Variants in TTC27 observed in about 807,000 individuals in gnomAD.
TTC27 encodes tetratricopeptide repeat domain 27, also known as tetratricopeptide repeat protein 27.
In TTC27, 79 loss-of-function variants were observed where a neutral mutation model predicts 115.9. The ratio of observed to expected loss-of-function variants is 0.68; its 90% confidence interval spans 0.57 to 0.82. The LOEUF (loss-of-function observed/expected upper bound fraction) is 0.82. Ranked by LOEUF, TTC27 falls within the 40% of genes least tolerant of loss-of-function variation. The pLI is 0.00. For synonymous variants in TTC27, 401 were observed against 356.0 expected (o/e 1.13, Z -1.42); for missense variants, 1,054 against 993.1 (o/e 1.06, Z -0.82).
intron 8 of TTC27, among the ~76,000 whole-genome samples, chr2:32,678,481 G>T (rs111896629): frequency 1.3e-5 from 2 of 151,726 alleles, no homozygotes; most frequent in Admixed American, 1.3e-4. Flanking sequence ...AGGCTGGAGT[G>T]CAGTGTCGCG....
intron 13 of TTC27, among the ~76,000 whole-genome samples, chr2:32,762,885 C>A (rs1277144449): frequency 1.3e-5 from 2 of 152,148 alleles, no homozygotes; most frequent in East Asian, 3.9e-4. Flanking sequence ...TGTGATCCGC[C>A]CGCCTCGGTC....
At chr2:32,660,129 C>A (rs951378046) in intron 5 of TTC27, among the ~76,000 whole-genome samples, 5 of 152,212 alleles carry the variant, frequency 3.3e-5, no homozygotes, top group Non-Finnish European at 4.4e-5. Context: ...TACATTCCCA[C>A]CGACAGAGTA....
chr2:32,782,689 C>G lies in TTC27; in HGVS notation c.1832+11C>G. 6.2e-7 allele frequency: 1 copy of G among 1,600,728 alleles called. No individual in the cohort carries two copies. Among genetic ancestry groups the G allele is most frequent in the Non-Finnish European group, 8.5e-7 (1 of 1,171,058 alleles). ...CCGATTAAAACAAAAGTAAGTACATCAGACAAATATGAAGAAATTTGCTTC... is the reference window on the plus strand; with the variant it reads ...CCGATTAAAACAAAAGTAAGTACATGAGACAAATATGAAGAAATTTGCTTC... On this transcript the variant is annotated intron_variant, in intron 15 of 19. Coordinates refer to ENST00000317907, the MANE Select transcript of TTC27 (RefSeq NM_017735.5).
At chr2:32,779,593 G>GTT (rs34377239) in intron 14 of TTC27, among the ~76,000 whole-genome samples, 2 of 146,760 alleles carry the variant, frequency 1.4e-5, no homozygotes, top group African/African-American at 5.0e-5. Flanking sequence ...ATTCTGTTAA[G>GTT]TTTTTTTTTT....
chr2:32,807,995 G>A (rs566349389), intron 16 of TTC27, among the ~76,000 whole-genome samples: 14 of 121,766 alleles, frequency 1.1e-4, no homozygotes, highest in Admixed American at 3.2e-4. Flanking sequence ...ATGCAGTGGC[G>A]CAATCTCAGC....
At chr2:32,713,394 A>C (rs756313482) in intron 10 of TTC27, among the ~76,000 whole-genome samples, 9 of 152,206 alleles carry the variant, frequency 5.9e-5, no homozygotes, top group Non-Finnish European at 1.3e-4. Context: ...CTTTCATATC[A>C]AACTCCTTTC....
At chr2:32,682,828 C>G (rs985192929) in intron 9 of TTC27, among the ~76,000 whole-genome samples, 4 of 122,714 alleles carry the variant, frequency 3.3e-5, no homozygotes, top group Non-Finnish European at 6.8e-5. Flanking sequence ...GCCACCACAC[C>G]CGGATAATTT....
intron 4 of TTC27, among the ~76,000 whole-genome samples, chr2:32,646,199 T>C (rs1417687084): frequency 6.6e-6 from 1 of 151,680 alleles, no homozygotes; most frequent in Non-Finnish European, 1.5e-5. Flanking sequence ...CAGCTAATTT[T>C]TTGCATTTTT....
chr2:32,693,476 A>T (rs1027050765), intron 9 of TTC27, among the ~76,000 whole-genome samples: 2 of 152,234 alleles, frequency 1.3e-5, no homozygotes, highest in African/African-American at 4.8e-5. Context: ...CTCTTTAAAA[A>T]CACAGAATTA....
intron 5 of TTC27, among the ~76,000 whole-genome samples, chr2:32,662,963 CT>C (rs1482171593): frequency 6.6e-6 from 1 of 152,118 alleles, no homozygotes; most frequent in Non-Finnish European, 1.5e-5. Context: ...TCCAGAGATT[CT>C]TTGTTTACAC....
chr2:32,726,955 A>T (rs1352896554), intron 10 of TTC27, among the ~76,000 whole-genome samples: 1 of 152,136 alleles, frequency 6.6e-6, no homozygotes, highest in Non-Finnish European at 1.5e-5. Flanking sequence ...CACTTTATAA[A>T]ACCATAAGAT....
intron 4 of TTC27, among the ~76,000 whole-genome samples, chr2:32,640,701 G>C (rs1217724568): frequency 1.8e-4 from 28 of 152,024 alleles, no homozygotes; most frequent in Admixed American, 1.8e-3. Context: ...ATATACCTTG[G>C]GCTGGGCATG....
chr2:32,794,351 T>G (rs1670631483), intron 16 of TTC27, among the ~76,000 whole-genome samples: 1 of 151,982 alleles, frequency 6.6e-6, no homozygotes, highest in South Asian at 2.1e-4. Flanking sequence ...TCTTAATCAA[T>G]GGATCAAAAA....
intron 14 of TTC27, among the ~76,000 whole-genome samples, chr2:32,780,589 A>G (rs1670142628): frequency 6.6e-6 from 1 of 151,978 alleles, no homozygotes; most frequent in African/African-American, 2.4e-5. Flanking sequence ...ACAGGTGTGC[A>G]GCACCACGCC....
intron 12 of TTC27, among the ~76,000 whole-genome samples, chr2:32,757,808 C>G (rs900969828): frequency 6.6e-6 from 1 of 152,130 alleles, no homozygotes; most frequent in Non-Finnish European, 1.5e-5. Flanking sequence ...TTTCTCCTGC[C>G]TCAGCCTCCC....
chr2:32,666,008 G>A (rs181013548), intron 6 of TTC27, among the ~76,000 whole-genome samples: 3 of 152,342 alleles, frequency 2.0e-5, no homozygotes, highest in Admixed American at 6.5e-5. Flanking sequence ...CTCATAACAG[G>A]ATAAAATCCA....
At chr2:32,772,366 C>T (rs1669857881) in intron 13 of TTC27, among the ~76,000 whole-genome samples, 1 of 152,142 alleles carries the variant, frequency 6.6e-6, no homozygotes, top group Non-Finnish European at 1.5e-5. Flanking sequence ...TGATTCCCTT[C>T]CAGTTCTTCA....
intron 10 of TTC27, among the ~76,000 whole-genome samples, chr2:32,725,365 T>C (rs968037226): frequency 1.3e-5 from 2 of 152,046 alleles, no homozygotes; most frequent in Non-Finnish European, 2.9e-5. Context: ...CTAGATGCAA[T>C]TGGGGTGCAG....
chr2:32,718,629 G>A (rs970203773), intron 10 of TTC27, among the ~76,000 whole-genome samples: 1 of 152,110 alleles, frequency 6.6e-6, no homozygotes, highest in African/African-American at 2.4e-5. Flanking sequence ...AATGGCTGAT[G>A]ATTGCCAAAG....
Sources: gnomAD v4.1 joint callset for allele counts (sites outside exome capture counted in the v4.1 genomes callset) on GRCh38, gnomAD v4.1.1 for gene constraint, MANE v1.5 for transcripts, NCBI Gene and HGNC (gene_info 2026-07-23, HGNC 2026-07-21) for gene names.